PTCSC3: variants seen among roughly 807,000 people sequenced by gnomAD.
The protein encoded by PTCSC3 is papillary thyroid carcinoma susceptibility candidate 3 (non-protein coding).
chr14:36,168,191 G>A (rs1009443628), intron 1 of PTCSC3, among the ~76,000 whole-genome samples: 7 of 151,652 alleles, frequency 4.6e-5, no homozygotes, highest in South Asian at 2.1e-4. Context: ...CCACTTTTTC[G>A]TCAAGCTAGT....
At chr14:36,148,312 G>A (rs893217344) in intron 3 of PTCSC3, among the ~76,000 whole-genome samples, 8 of 152,262 alleles carry the variant, frequency 5.3e-5, no homozygotes, top group Admixed American at 1.3e-4. Context: ...AGCAATCAGC[G>A]AGACTCCATA....
chr14:36,135,875 A>ATG (rs536336304), downstream of PTCSC3, among the ~76,000 whole-genome samples: 3,721 of 84,328 alleles, frequency 0.044, 119 homozygotes, highest in Admixed American at 0.16. Flanking sequence ...ATATATATAT[A>ATG]TGTGTGTGTG....
chr14:36,173,894 AG>A (rs1243615695), intron 1 of PTCSC3, among the ~76,000 whole-genome samples: 24 of 152,270 alleles, frequency 1.6e-4, no homozygotes, highest in African/African-American at 5.8e-4. Context: ...CAGTACTTTA[AG>A]AAAGTCATTT....
chr14:36,147,483 G>A (rs981441646), intron 3 of PTCSC3, among the ~76,000 whole-genome samples: 1 of 151,910 alleles, frequency 6.6e-6, no homozygotes, highest in Admixed American at 6.6e-5. Flanking sequence ...CATTCTTCAC[G>A]TTGTTCTTGA....
At chr14:36,162,955 T>C (rs1882000752) in intron 1 of PTCSC3, among the ~76,000 whole-genome samples, 1 of 152,132 alleles carries the variant, frequency 6.6e-6, no homozygotes, top group South Asian at 2.1e-4. Context: ...AAAACAAAAA[T>C]GGATGGTAGT....
intron 1 of PTCSC3, among the ~76,000 whole-genome samples, chr14:36,175,107 T>A (rs1052276183): frequency 6.6e-6 from 1 of 152,146 alleles, no homozygotes; most frequent in Non-Finnish European, 1.5e-5. Context: ...GCTCCCTCCA[T>A]TCAGGCTCCA....
At chr14:36,138,857 C>T (rs776548329) in intron 3 of PTCSC3, among the ~76,000 whole-genome samples, 28 of 152,212 alleles carry the variant, frequency 1.8e-4, no homozygotes, top group Non-Finnish European at 2.6e-4. Flanking sequence ...GGGTGGCTCG[C>T]GGCTGTAATC....
intron 3 of PTCSC3, among the ~76,000 whole-genome samples, chr14:36,148,419 C>T (rs569464153): frequency 9.9e-5 from 15 of 152,246 alleles, no homozygotes; most frequent in African/African-American, 3.6e-4. Flanking sequence ...GGGAGTGACC[C>T]GATTTTCCAG....
Position 36,154,339 on chromosome 14 carries a change from C to T in PTCSC3, n.232-445G>A, listed in dbSNP as rs75568224. The stretch of plus-strand genomic sequence containing the variant: ...CATTATTACTTCAATATGAAACTTA[C>T]TTTAAAAAACAGGTTATATAATAAT... On this transcript the variant is annotated intron_variant and non_coding_transcript_variant, in intron 2 of 3. Coordinates refer to ENST00000556013, the Ensembl canonical transcript of PTCSC3. Among the ~76,000 whole-genome samples, 16 of 152,146 alleles carry T rather than the reference C, an allele frequency of 1.1e-4. No homozygotes were observed. In the East Asian group the frequency reaches 3.1e-3, roughly 29 times the overall value.
intron 3 of PTCSC3, among the ~76,000 whole-genome samples, chr14:36,140,205 A>G (rs1881388158): frequency 6.6e-6 from 1 of 152,116 alleles, no homozygotes; most frequent in African/African-American, 2.4e-5. Flanking sequence ...CATTGTATGG[A>G]TGTATCACAG....
At chr14:36,148,991 T>A (rs1219000227) in intron 3 of PTCSC3, among the ~76,000 whole-genome samples, 1 of 152,036 alleles carries the variant, frequency 6.6e-6, no homozygotes, top group Non-Finnish European at 1.5e-5. Flanking sequence ...CCTTTTTCAA[T>A]TTTGTTAATT....
rs1881405127 is a variant in PTCSC3, at chr14:36,140,944, G to T, written n.323-4588C>A. 3.3e-5 allele frequency among the ~76,000 whole-genome samples: 5 copies of T among 152,024 alleles called. No individual in the cohort carries two copies. The South Asian group carries it at 1.0e-3, about 32-fold the overall frequency. ...TCTGTGTCTCGACTTTTTTGAGGGGGGAATACAAATGTCCAGTTTTTGTAG... is the reference window on the plus strand; with the variant it reads ...TCTGTGTCTCGACTTTTTTGAGGGGTGAATACAAATGTCCAGTTTTTGTAG... On this transcript the variant is annotated intron_variant and non_coding_transcript_variant, in intron 3 of 3. Transcript: ENST00000556013.
chr14:36,139,141 G>A lies in PTCSC3; in HGVS notation n.323-2785C>T, dbSNP rs8013698. Among the ~76,000 whole-genome samples the A allele has an allele frequency of 2.5e-3, 249 of 100,080 alleles. 3 individuals are homozygous for A. Among genetic ancestry groups the A allele is most frequent in the Middle Eastern group, 0.019 (3 of 154 alleles). The allele number at this position is 100,080 out of a possible 152,430, so 65.7% of individuals were successfully genotyped here. ...AAATAAAAAAAAAAAAAAAAAAAAAGAAATGCATATATGTCCATACAAAGA... is the reference window on the plus strand; with the variant it reads ...AAATAAAAAAAAAAAAAAAAAAAAAAAAATGCATATATGTCCATACAAAGA... On this transcript the variant is annotated intron_variant and non_coding_transcript_variant, in intron 3 of 3. Coordinates refer to ENST00000556013, the Ensembl canonical transcript of PTCSC3.
intron 2 of PTCSC3, among the ~76,000 whole-genome samples, chr14:36,160,571 A>G (rs1463774723): frequency 6.6e-6 from 1 of 152,216 alleles, no homozygotes; most frequent in African/African-American, 2.4e-5. Context: ...TCTGGTTTGT[A>G]GGGTTTCTGC....
At chr14:36,154,467 A>G (rs1346454692) in intron 2 of PTCSC3, among the ~76,000 whole-genome samples, 3 of 152,148 alleles carry the variant, frequency 2.0e-5, no homozygotes, top group African/African-American at 7.2e-5. Flanking sequence ...CATTTTTGTG[A>G]TTTTGTTGTA....
In PTCSC3 at chr14:36,136,477, G is replaced by C. The variant is rs564880856; in HGVS notation, n.323-121C>G. 3.9e-5 allele frequency: 6 copies of C among 152,234 alleles called. No individual in the cohort carries two copies. The East Asian group carries it at 1.2e-3, about 29-fold the overall frequency. 9.4% of individuals were successfully genotyped at this position (152,234 alleles called of 1,614,324 possible). The stretch of plus-strand genomic sequence containing the variant: ...CATTGCTTATCTAGGATTAATAAGA[G>C]GTAAGAGTAAGAAGATATGATTATG... On this transcript the variant is annotated intron_variant and non_coding_transcript_variant, in intron 3 of 3. Coordinates refer to ENST00000556013, the Ensembl canonical transcript of PTCSC3.
intron 2 of PTCSC3, among the ~76,000 whole-genome samples, chr14:36,157,917 T>A (rs146003846): frequency 0.014 from 2,111 of 152,168 alleles, 24 homozygotes; most frequent in Non-Finnish European, 0.022. Flanking sequence ...TTTGTTTGTG[T>A]CCTCTCTGAT....
chr14:36,138,923 G>A (rs1255192366), intron 3 of PTCSC3, among the ~76,000 whole-genome samples: 1 of 151,888 alleles, frequency 6.6e-6, no homozygotes, highest in Non-Finnish European at 1.5e-5. Flanking sequence ...AACCATCCTG[G>A]CTAACACGGT....
At position 36,147,529 on chromosome 14, in the gene PTCSC3, C is replaced by G. The variant is rs565734467; in HGVS notation, n.322+6275G>C. Among the ~76,000 whole-genome samples, 8 of 152,286 alleles carry G rather than the reference C, an allele frequency of 5.3e-5. No individual in the cohort carries two copies. The East Asian group carries it at 1.5e-3, about 29-fold the overall frequency. On this transcript the variant is annotated intron_variant and non_coding_transcript_variant, in intron 3 of 3. Transcript: ENST00000556013. Reference sequence around the variant, plus strand: ...TTGGCTCCATCAGCTCCTTTAAGCACTTCTCTGTATGGTTATTCTAGTTAT... The same window carrying G: ...TTGGCTCCATCAGCTCCTTTAAGCAGTTCTCTGTATGGTTATTCTAGTTAT...
Sources: allele counts gnomAD v4.1 joint callset (sites outside exome capture counted in the v4.1 genomes callset), GRCh38; gene constraint gnomAD v4.1.1; transcripts MANE v1.5; gene names NCBI Gene and HGNC (gene_info 2026-07-23, HGNC 2026-07-21).